Variants in BMPR1B observed in about 807,000 individuals in gnomAD.
BMPR1B encodes the protein bone morphogenetic protein receptor type 1B.
A neutral mutation model predicts 59.1 loss-of-function variants in BMPR1B; 12 were observed. That is an observed-to-expected ratio of 0.20 (90% CI 0.13 to 0.33). The LOEUF is 0.33. BMPR1B is among the 10% of genes least tolerant of loss of function. BMPR1B has a pLI of 1.00. For synonymous variants in BMPR1B, 237 were observed against 207.3 expected (o/e 1.14, Z -1.23); for missense variants, 550 against 610.9 (o/e 0.90, Z 1.05).
intron 3 of BMPR1B, among the ~76,000 whole-genome samples, chr4:95,071,053 A>G (rs776719635): frequency 4.6e-5 from 7 of 152,194 alleles, no homozygotes; most frequent in Non-Finnish European, 8.8e-5. Context: ...TAAATGTTTC[A>G]AGTAAGATTT....
At chr4:95,152,831 T>A in intron 12 of BMPR1B, 58 bp downstream of exon 12, 1 of 1,585,940 alleles carries the variant, frequency 6.3e-7, no homozygotes, top group Non-Finnish European at 8.6e-7. Flanking sequence ...TTTTCTTTTT[T>A]AGCTAAAATT....
At chr4:95,043,856 C>CAG (rs1372592583) in intron 3 of BMPR1B, among the ~76,000 whole-genome samples, 1 of 152,126 alleles carries the variant, frequency 6.6e-6, no homozygotes, top group Non-Finnish European at 1.5e-5. Context: ...ATCATATCTA[C>CAG]ACTATAATAT....
chr4:95,042,524 A>G (rs1725734085), intron 3 of BMPR1B, among the ~76,000 whole-genome samples: 1 of 152,212 alleles, frequency 6.6e-6, no homozygotes, highest in Admixed American at 6.5e-5. Flanking sequence ...TCCCATCCCC[A>G]AGATATCTTA....
chr4:94,851,968 G>A (rs745384812), intron 1 of BMPR1B, among the ~76,000 whole-genome samples: 1 of 152,186 alleles, frequency 6.6e-6, no homozygotes, highest in Non-Finnish European at 1.5e-5. Flanking sequence ...TTATCAGTAA[G>A]TGTTTGTTGC....
chr4:94,822,500 A>G (rs1457345348), intron 1 of BMPR1B, among the ~76,000 whole-genome samples: 1 of 152,126 alleles, frequency 6.6e-6, no homozygotes, highest in Non-Finnish European at 1.5e-5. Flanking sequence ...GAGAATAAAG[A>G]ATGAGGAGCA....
At chr4:94,965,500 C>G (rs1361066117) in intron 2 of BMPR1B, among the ~76,000 whole-genome samples, 1 of 152,122 alleles carries the variant, frequency 6.6e-6, no homozygotes, top group East Asian at 1.9e-4. Flanking sequence ...CATGCAAATC[C>G]ATTTGTTTTC....
At chr4:95,101,539 T>G (rs1730819923) in intron 3 of BMPR1B, among the ~76,000 whole-genome samples, 1 of 152,154 alleles carries the variant, frequency 6.6e-6, no homozygotes, top group Non-Finnish European at 1.5e-5. Flanking sequence ...TTGATACCGT[T>G]TCTGGAGCCT....
intron 2 of BMPR1B, among the ~76,000 whole-genome samples, chr4:94,908,628 A>G (rs1228232174): frequency 6.6e-6 from 1 of 151,830 alleles, no homozygotes; most frequent in Non-Finnish European, 1.5e-5. Context: ...ATCAGCTTCA[A>G]TCCTTTTATT....
intron 3 of BMPR1B, among the ~76,000 whole-genome samples, chr4:95,042,261 C>T (rs371012336): frequency 6.6e-6 from 1 of 152,084 alleles, no homozygotes; most frequent in Non-Finnish European, 1.5e-5. Flanking sequence ...CTGTTAGGTA[C>T]CTACGTGTGA....
At chr4:94,792,099 T>G (rs919018030) in intron 1 of BMPR1B, among the ~76,000 whole-genome samples, 1 of 152,196 alleles carries the variant, frequency 6.6e-6, no homozygotes, top group African/African-American at 2.4e-5. Context: ...TTAAGAGAAA[T>G]TTTTCAGATA....
chr4:94,933,999 G>T (rs1729192979), intron 2 of BMPR1B, among the ~76,000 whole-genome samples: 1 of 152,160 alleles, frequency 6.6e-6, no homozygotes, highest in South Asian at 2.1e-4. Flanking sequence ...TGTATGGTAT[G>T]TGGTTGTTTT....
chr4:95,123,714 C>T (rs1049553922), intron 6 of BMPR1B, 96 bp from the exon 7 acceptor site: 43 of 935,008 alleles, frequency 4.6e-5, no homozygotes, highest in Admixed American at 5.8e-5. Context: ...ACATTTTGTG[C>T]GTGATACTTA....
At chr4:95,063,775 C>A (rs1054001398) in intron 3 of BMPR1B, among the ~76,000 whole-genome samples, 4 of 151,852 alleles carry the variant, frequency 2.6e-5, no homozygotes, top group African/African-American at 9.7e-5. Context: ...TGGAAAGTAT[C>A]TATTATTAAT....
At chr4:94,866,126 A>G (rs1361639431) in intron 1 of BMPR1B, among the ~76,000 whole-genome samples, 1 of 152,176 alleles carries the variant, frequency 6.6e-6, no homozygotes, top group Admixed American at 6.5e-5. Flanking sequence ...TTGCTGAGTA[A>G]AAATTCTGTT....
Position 95,040,850 on chromosome 4 carries a change from T to A in BMPR1B, c.-18+44716T>A, listed in dbSNP as rs1057373266. ...TTGTTTTGTTAAAACAAACTCAGAC[T>A]CTTCCAGTGAGTGAAGGACTACATT... On this transcript the variant is annotated intron_variant, in intron 3 of 12. Coordinates refer to ENST00000515059, the MANE Select transcript of BMPR1B (RefSeq NM_001203.3). 4.6e-5 allele frequency among the ~76,000 whole-genome samples: 7 copies of A among 152,302 alleles called. 1 individual carries two copies. Among genetic ancestry groups the A allele is most frequent in the South Asian group, 4.1e-4 (2 of 4,830 alleles).
intron 2 of BMPR1B, among the ~76,000 whole-genome samples, chr4:94,963,517 GTA>G (rs1381701723): frequency 1.3e-5 from 2 of 152,024 alleles, no homozygotes; most frequent in African/African-American, 2.4e-5. Flanking sequence ...TTTGATTTTT[GTA>G]TATGGCACAA....
At chr4:94,881,990 C>A (rs1183168692) in intron 2 of BMPR1B, among the ~76,000 whole-genome samples, 1 of 152,110 alleles carries the variant, frequency 6.6e-6, no homozygotes, top group Non-Finnish European at 1.5e-5. Context: ...TGGAAAATAC[C>A]CGATTCTCAT....
At chr4:95,008,647 A>G (rs181495439) in intron 3 of BMPR1B, among the ~76,000 whole-genome samples, 1 of 152,296 alleles carries the variant, frequency 6.6e-6, no homozygotes, top group Admixed American at 6.5e-5. Context: ...TAATAAAGAA[A>G]CAAATTAATT....
At chr4:95,129,610 A>G (rs1213514574) in intron 8 of BMPR1B, among the ~76,000 whole-genome samples, 1 of 152,184 alleles carries the variant, frequency 6.6e-6, no homozygotes, top group African/African-American at 2.4e-5. Context: ...TGAGAAAATA[A>G]TAATACTAAA....
Sources: allele counts gnomAD v4.1 joint callset (sites outside exome capture counted in the v4.1 genomes callset), GRCh38; gene constraint gnomAD v4.1.1; transcripts MANE v1.5; gene names NCBI Gene and HGNC (gene_info 2026-07-23, HGNC 2026-07-21).